The following GNG2 variants were observed in gnomAD, a reference collection of about 807,000 sequenced individuals.
GNG2 encodes the protein guanine nucleotide-binding protein G(I)/G(S)/G(O) subunit gamma-2.
Under a neutral mutation model 5.5 loss-of-function variants are expected in GNG2, and 5 were observed. The ratio of observed to expected loss-of-function variants is 0.91; its 90% confidence interval spans 0.48 to 1.92. The LOEUF is 1.92. Among genes scored for constraint, GNG2 ranks in the 30% most tolerant of loss-of-function variants. The probability of loss-of-function intolerance (pLI) is 0.01; values close to 1 mark genes in which losing one functional copy is unlikely to be tolerated. For synonymous variants in GNG2, 28 were observed against 32.0 expected (o/e 0.88, Z 0.42); for missense variants, 55 against 88.4 (o/e 0.62, Z 1.52).
chr14:51,828,544 A>G (rs28465531), intron 2 of GNG2, among the ~76,000 whole-genome samples: 11,588 of 152,152 alleles, frequency 0.076, 1,020 homozygotes, highest in East Asian at 0.42. Flanking sequence ...AGAAGAAAAC[A>G]TGTTGTTTTC....
chr14:51,914,898 T>C (rs947784607), intron 2 of GNG2, among the ~76,000 whole-genome samples: 26 of 152,076 alleles, frequency 1.7e-4, no homozygotes, highest in Admixed American at 2.6e-4. Flanking sequence ...TGGGGGGAAA[T>C]GGACAAAGAT....
chr14:51,864,211 G>T (rs77909472), intron 1 of GNG2, among the ~76,000 whole-genome samples: 2 of 152,108 alleles, frequency 1.3e-5, no homozygotes, highest in Admixed American at 1.3e-4. Flanking sequence ...GCCATTTTAA[G>T]AGGTATGAAG....
At chr14:51,932,813 A>C (rs982222012) in intron 2 of GNG2, among the ~76,000 whole-genome samples, 1 of 152,012 alleles carries the variant, frequency 6.6e-6, no homozygotes, top group Non-Finnish European at 1.5e-5. Flanking sequence ...CATAAATGTT[A>C]ATTATAAGGA....
At chr14:51,861,882 G>T (rs1376337939) in intron 1 of GNG2, among the ~76,000 whole-genome samples, 1 of 152,060 alleles carries the variant, frequency 6.6e-6, no homozygotes, top group Non-Finnish European at 1.5e-5. Context: ...TGATAAAAGG[G>T]TTTTTCTTCT....
At chr14:51,844,773 T>A (rs1008917339) in intron 2 of GNG2, among the ~76,000 whole-genome samples, 1 of 151,974 alleles carries the variant, frequency 6.6e-6, no homozygotes, top group Non-Finnish European at 1.5e-5. Context: ...TCACCCAGGC[T>A]GTAGTGCAAT....
chr14:51,942,597 T>TTCTTTCTTTCTTTCTTTCTTTC (rs1888403996), intron 2 of GNG2, among the ~76,000 whole-genome samples: 4 of 9,030 alleles, frequency 4.4e-4, no homozygotes, highest in African/African-American at 9.0e-4. Flanking sequence ...TTCTTTTTTT[T>TTCTTTCTTTCTTTCTTTCTTTC]TTTTTTTTTA....
chr14:51,835,522 T>A (rs564557754), intron 2 of GNG2, among the ~76,000 whole-genome samples: 9 of 152,288 alleles, frequency 5.9e-5, no homozygotes, highest in Non-Finnish European at 1.0e-4. Context: ...CACCACCCCC[T>A]ACCTTTGATT....
chr14:51,959,708 T>G (rs1161381747), intron 3 of GNG2, among the ~76,000 whole-genome samples: 2 of 133,244 alleles, frequency 1.5e-5, no homozygotes, highest in African/African-American at 5.6e-5. Flanking sequence ...TATTGTAACT[T>G]TCATTTTGTA....
At chr14:51,866,346 CT>C (rs1256078981) in intron 1 of GNG2, among the ~76,000 whole-genome samples, 1 of 152,198 alleles carries the variant, frequency 6.6e-6, no homozygotes, top group African/African-American at 2.4e-5. Flanking sequence ...TCACTTTTCA[CT>C]CTGTCCTGTG....
intron 2 of GNG2, among the ~76,000 whole-genome samples, chr14:51,915,792 T>A (rs1369068354): frequency 6.6e-6 from 1 of 152,208 alleles, no homozygotes; most frequent in Non-Finnish European, 1.5e-5. Flanking sequence ...TGCCTACATA[T>A]GTGAATTATG....
intron 1 of GNG2, 141 bp from the exon 2 acceptor site, chr14:51,877,476 A>G: frequency 3.4e-6 from 1 of 291,300 alleles, no homozygotes; most frequent in South Asian, 3.0e-5. Context: ...TAAACCTGTG[A>G]GACCTCCTGC....
chr14:51,926,657 A>G (rs912424455), intron 2 of GNG2, among the ~76,000 whole-genome samples: 18 of 152,164 alleles, frequency 1.2e-4, no homozygotes, highest in African/African-American at 3.9e-4. Context: ...GCCATTTTGC[A>G]GAGGGGAGGA....
At chr14:51,919,731 G>A (rs1305079617) in intron 2 of GNG2, among the ~76,000 whole-genome samples, 1 of 152,228 alleles carries the variant, frequency 6.6e-6, no homozygotes, top group Non-Finnish European at 1.5e-5. Context: ...ATATGGTCCA[G>A]TAACTGAATA....
chr14:51,868,915 C>T (rs1437012113), intron 1 of GNG2, among the ~76,000 whole-genome samples: 4 of 152,174 alleles, frequency 2.6e-5, no homozygotes, highest in Non-Finnish European at 5.9e-5. Context: ...CTGCAATCAG[C>T]ACTACACTAC....
chr14:51,894,438 A>G (rs1885058339), intron 2 of GNG2, among the ~76,000 whole-genome samples: 1 of 152,146 alleles, frequency 6.6e-6, no homozygotes, highest in South Asian at 2.1e-4. Flanking sequence ...CATAAGCTTG[A>G]CTTAAGAAAT....
At chr14:51,936,477 A>G (rs1888011239) in intron 2 of GNG2, among the ~76,000 whole-genome samples, 1 of 150,950 alleles carries the variant, frequency 6.6e-6, no homozygotes, top group South Asian at 2.1e-4. Context: ...TAGGAACTAT[A>G]TATACACAGT....
In GNG2 at chr14:51,894,838, C is replaced by T. The variant is rs116248628; in HGVS notation, c.-30+17181C>T. 8.6e-3 allele frequency among the ~76,000 whole-genome samples: 1,305 copies of T among 152,136 alleles called. 25 individuals carry two copies. The highest frequency in any genetic ancestry group is 0.03 in the African/African-American group (1,244 of 41,544). ...AAAACTAGAATTTAAAGTAAAAATA[C>T]TGTTGCTTCTGGGAAATTAATGGCC... On this transcript the variant is annotated intron_variant, in intron 2 of 3. Coordinates refer to ENST00000556766, the MANE Select transcript of GNG2 (RefSeq NM_053064.5).
At chr14:51,914,274 G>C (rs1348380664) in intron 2 of GNG2, 1 of 702,212 alleles carries the variant, frequency 1.4e-6, no homozygotes, top group Admixed American at 2.0e-5. Context: ...GCCAGACCAA[G>C]GTAGAATGGA....
chr14:51,847,020 G>A (rs1381423827), intron 2 of GNG2: 1 of 152,292 alleles, frequency 6.6e-6, no homozygotes. Context: ...ATGGTAACCA[G>A]AGGGGGGGAG....
Sources: gnomAD v4.1 joint callset for allele counts (sites outside exome capture counted in the v4.1 genomes callset) on GRCh38, gnomAD v4.1.1 for gene constraint, MANE v1.5 for transcripts, NCBI Gene and HGNC (gene_info 2026-07-23, HGNC 2026-07-21) for gene names.